PRICKLE3: variants seen among roughly 807,000 people sequenced by gnomAD.
The protein encoded by PRICKLE3 is prickle planar cell polarity protein 3.
A neutral mutation model predicts 33.8 loss-of-function variants in PRICKLE3; 17 were observed. The observed-to-expected ratio is 0.50, with a 90% CI of 0.34 to 0.75. PRICKLE3 has a LOEUF of 0.75. Among genes scored for constraint, PRICKLE3 ranks in the 30% least tolerant of loss-of-function variants. The pLI is 0.01. For synonymous variants in PRICKLE3, 211 were observed against 219.6 expected (o/e 0.96, Z 0.34); for missense variants, 573 against 576.7 (o/e 0.99, Z 0.07).
chrX:49,178,523 T>A, intron 5 of PRICKLE3, 48 bp from the exon 6 acceptor site: 2 of 1,138,747 alleles, frequency 1.8e-6, no homozygotes, highest in African/African-American at 1.8e-5. Context: ...GTCACCAAGA[T>A]GGTCAGATGG....
At position 49,179,402 on chromosome X, in the gene PRICKLE3, G is replaced by A. The variant is rs2065437275; in HGVS notation, c.427-14C>T. 7.5e-6 allele frequency: 9 copies of A among 1,202,560 alleles called. No homozygotes were observed. In the South Asian group the frequency reaches 1.4e-4, roughly 19 times the overall value. On this transcript the variant is annotated splice_polypyrimidine_tract_variant and intron_variant, in intron 4 of 8. Coordinates refer to ENST00000599218, the MANE Select transcript of PRICKLE3 (RefSeq NM_006150.5). ...GCAGTACTGTGCCTGGGAGGAGAAG[G>A]CATCTCCCAGGCTCCTCCCTTGATG... is the stretch of plus-strand genomic sequence containing the variant.
chrX:49,178,603 T>G lies in PRICKLE3; in HGVS notation c.565-128A>C. The G allele has an allele frequency of 4.4e-6, 3 of 675,519 alleles. No homozygotes were observed. In the South Asian group the frequency reaches 8.2e-5, roughly 19 times the overall value. 55.7% of individuals were successfully genotyped at this position (675,519 alleles called of 1,213,427 possible). A position where few individuals can be genotyped will look rare whatever the true frequency, so the allele number is the denominator to read the frequency against. ...GAAACTTTGTGATCAGCCCCACCCA[T>G]GGGGTAACTTTGACACAGGCCCTGC... On this transcript the variant is annotated intron_variant, in intron 5 of 8. Coordinates refer to ENST00000599218, the MANE Select transcript of PRICKLE3 (RefSeq NM_006150.5).
At chrX:49,179,878 C>T in intron 3 of PRICKLE3, 72 bp from the exon 4 acceptor site, 1 of 564,214 alleles carries the variant, frequency 1.8e-6, no homozygotes, top group Non-Finnish European at 2.8e-6. Context: ...GATGGCGGGT[C>T]CCCATTTCTC....
rs1557099979 is a variant in PRICKLE3, at chrX:49,176,162, G to A, written c.1359C>T (p.Ser453=). ...CTGGGCGCAGGTTAGGCTGGCCGGGGGACTCTGGGGGCGGCTCGGGGACAC... is the reference window on the plus strand; with the variant it reads ...CTGGGCGCAGGTTAGGCTGGCCGGGAGACTCTGGGGGCGGCTCGGGGACAC... ...LRSVPEPPPE[S]PGQPNLRPDD... The change falls in exon 9 of 9, where the codon TCC becomes TCT. Residue 453 remains serine (S), a synonymous_variant. Coordinates refer to ENST00000599218, the MANE Select transcript of PRICKLE3 (RefSeq NM_006150.5). 8.4e-7 allele frequency: 1 copy of A among 1,193,599 alleles called. No homozygotes were observed. The highest frequency in any genetic ancestry group is 2.2e-5 in the Admixed American group (1 of 44,560).
At chrX:49,181,501 A>ATATATATATACG (rs2065450402) in intron 3 of PRICKLE3, among the ~76,000 whole-genome samples, 1 of 92,834 alleles carries the variant, frequency 1.1e-5, no homozygotes, top group Non-Finnish European at 2.1e-5. Context: ...ACATATGTGT[A>ATATATATATACG]TATATATGTG....
chrX:49,178,144 G>C lies in PRICKLE3; in HGVS notation c.804C>G (p.Gly268=), dbSNP rs1557100434. The change falls in exon 7 of 9, where the codon GGC becomes GGG. Residue 268 remains glycine, a synonymous_variant. Transcript: ENST00000599218. ...IFSPECTEAE[G]RHWHMDHFCC... is the part of the protein sequence containing the mutation. ...AGAAGTGATCCATGTGCCAGTGGCG[G>C]CCCTCAGCCTCCGTGCACTCAGGGG... 5 of 1,181,660 alleles carry C rather than the reference G, an allele frequency of 4.2e-6. No homozygotes were observed. Among genetic ancestry groups the C allele is most frequent in the Non-Finnish European group, 5.7e-6 (5 of 878,199 alleles).
In PRICKLE3 at chrX:49,175,635, T is replaced by G; in HGVS notation, c.*38A>C. On this transcript the variant is annotated 3_prime_UTR_variant, in exon 9 of 9. Transcript: ENST00000599218. ...GGGGCATGGGCCTCATCATCTACTC[T>G]GACTGGAGAATGGAGCCCCCTCCAG... 8.7e-7 allele frequency: 1 copy of G among 1,144,580 alleles called. No individual in the cohort carries two copies. The highest frequency in any genetic ancestry group is 1.8e-5 in the African/African-American group (1 of 56,614). The allele number at this position is 1,144,580 out of a possible 1,213,427, so 94.3% of individuals were successfully genotyped here.
chrX:49,179,560 G>T, intron 4 of PRICKLE3, 133 bp downstream of exon 4: 1 of 879,034 alleles, frequency 1.1e-6, no homozygotes, highest in Non-Finnish European at 1.6e-6. Flanking sequence ...GCCAAGGAAT[G>T]TCCCCTGATG....
rs1219940047 is a variant in PRICKLE3 at position 49,175,246 on chromosome X, G to A, written c.*427C>T. 2 of 168,990 alleles carry A rather than the reference G, an allele frequency of 1.2e-5. No individual in the cohort carries two copies. Among genetic ancestry groups the A allele is most frequent in the Non-Finnish European group, 2.2e-5 (2 of 90,219 alleles). The allele number at this position is 168,990 out of a possible 1,213,427, so 13.9% of individuals were successfully genotyped here. ...CTTCAATAATACAAACGAGAGGCCC[G>A]GTGCGGTGGCTCATGCCTGTAATCC... On this transcript the variant is annotated 3_prime_UTR_variant, in exon 9 of 9. Coordinates refer to ENST00000599218, the MANE Select transcript of PRICKLE3 (RefSeq NM_006150.5).
At chrX:49,185,636 C>T (rs1435276752) in intron 1 of PRICKLE3, among the ~76,000 whole-genome samples, 1 of 111,019 alleles carries the variant, frequency 9.0e-6, no homozygotes, top group African/African-American at 3.3e-5. Flanking sequence ...CTCGGTGGCT[C>T]ACGCCTATAA....
In PRICKLE3 at chrX:49,177,994, G is replaced by A. The variant is rs376833620; in HGVS notation, c.954C>T (p.Ile318=). The A allele has an allele frequency of 1.2e-5, 14 of 1,142,460 alleles. No homozygotes were observed. In the South Asian group the frequency reaches 1.9e-4, roughly 16 times the overall value. 94.2% of individuals were successfully genotyped at this position (1,142,460 alleles called of 1,213,427 possible). Residue 318 remains isoleucine, a splice_region_variant and synonymous_variant, in exon 7 of 9, where the codon ATC becomes ATT. Coordinates refer to ENST00000599218, the MANE Select transcript of PRICKLE3 (RefSeq NM_006150.5). ...AEYCDGCGEH[I]GLDQGQMAYE... Reference sequence around the variant, plus strand: ...TCCAGTCCCACAGCATTCACCCACCGATGTGCTCCCCACAGCCATCACAGT... The same window carrying A: ...TCCAGTCCCACAGCATTCACCCACCAATGTGCTCCCCACAGCCATCACAGT...
At position 49,176,106 on chromosome X, in the gene PRICKLE3, G is replaced by A; in HGVS notation, c.1415C>T (p.Pro472Leu). ...CAGAGGGTCGCGGAAGCTGACGCGT[G>A]GGGTGCTCTGACGACCGAAGGCACT... ...DDSAFGRQST[P>L]RVSFRDPLVS... The change falls in exon 9 of 9, where the codon CCA becomes CTA. Residue 472 changes from proline (P) to leucine (L), a missense_variant. Transcript: ENST00000599218. 8.3e-7 allele frequency: 1 copy of A among 1,207,715 alleles called. No homozygotes were observed. The highest frequency in any genetic ancestry group is 2.2e-5 in the Admixed American group (1 of 45,790).
chrX:49,179,708 G>T lies in PRICKLE3; in HGVS notation c.411C>A (p.Pro137=). Residue 137 remains proline (P), a synonymous_variant, in exon 4 of 9, where the codon CCC becomes CCA. Transcript: ENST00000599218. ...YRIKQLLHQL[P]PHDSEAQYCT... ...CTCTCCTCACCTCACTGTCGTGTGG[G>T]GGCAGCTGGTGCAGCAGCTGCTTGA... 1 of 1,180,981 alleles carries T rather than the reference G, an allele frequency of 8.5e-7. No homozygotes were observed. The highest frequency in any genetic ancestry group is 3.1e-5 in the East Asian group (1 of 32,774).
At position 49,176,119 on chromosome X, in the gene PRICKLE3, G is replaced by A. The variant is rs1557099947; in HGVS notation, c.1402C>T (p.Arg468Cys). 2.5e-6 allele frequency: 3 copies of A among 1,207,041 alleles called. No individual in the cohort carries two copies. Among genetic ancestry groups the A allele is most frequent in the African/African-American group, 1.7e-5 (1 of 57,651 alleles). ...NLRPDDSAFG[R>C]QSTPRVSFRD... ...AAGCTGACGCGTGGGGTGCTCTGAC[G>A]ACCGAAGGCACTATCATCTGGGCGC... Residue 468 changes from arginine (R) to cysteine (C), a missense_variant, in exon 9 of 9, where the codon CGT becomes TGT. Coordinates refer to ENST00000599218, the MANE Select transcript of PRICKLE3 (RefSeq NM_006150.5).
intron 2 of PRICKLE3, 89 bp from the exon 3 acceptor site, chrX:49,184,006 A>G: frequency 9.6e-7 from 1 of 1,043,667 alleles, no homozygotes. Flanking sequence ...GCGGGGACAT[A>G]CAGATTATCA....
At chrX:49,177,276 C>T in intron 7 of PRICKLE3, 74 bp from the exon 8 acceptor site, 1 of 1,016,082 alleles carries the variant, frequency 9.8e-7, no homozygotes, top group Non-Finnish European at 1.3e-6. Flanking sequence ...GAACGAGTCC[C>T]TTCTCAAGAA....
At chrX:49,176,334 T>A (rs1405290944) in intron 8 of PRICKLE3, 69 bp from the exon 9 acceptor site, 6 of 815,706 alleles carry the variant, frequency 7.4e-6, no homozygotes, top group Non-Finnish European at 3.4e-6. Context: ...AGAGGAGGCC[T>A]GCGGAAGGGC....
rs781974602 is a variant in PRICKLE3 at position 49,183,931 on chromosome X, G to A, written c.129-14C>T. 4.2e-6 allele frequency: 5 copies of A among 1,199,193 alleles called. No individual in the cohort carries two copies. The South Asian group carries it at 9.1e-5, about 22-fold the overall frequency. ...TGGCAGATCTTTCTGAGGGGGCCGG[G>A]ATGGGGGTCAATTACTAAGGAGTTG... On this transcript the variant is annotated splice_polypyrimidine_tract_variant and intron_variant, in intron 2 of 8. Coordinates refer to ENST00000599218, the MANE Select transcript of PRICKLE3 (RefSeq NM_006150.5).
chrX:49,181,528 T>TATAC (rs1491319198), intron 3 of PRICKLE3, among the ~76,000 whole-genome samples: 1 of 86,857 alleles, frequency 1.2e-5, no homozygotes. Flanking sequence ...TACGTATATA[T>TATAC]GTGTATATAT....
Sources: allele counts gnomAD v4.1 joint callset (sites outside exome capture counted in the v4.1 genomes callset), GRCh38; gene constraint gnomAD v4.1.1; transcripts MANE v1.5; gene names NCBI Gene and HGNC (gene_info 2026-07-23, HGNC 2026-07-21).